The following ARMC2 variants were observed in gnomAD, a reference collection of about 807,000 sequenced individuals.
ARMC2 encodes the protein armadillo repeat-containing protein 2.
ARMC2 carries 67 observed loss-of-function variants against 90.3 expected under a neutral mutation model. The ratio of observed to expected loss-of-function variants is 0.74; its 90% CI spans 0.61 to 0.91. The LOEUF is 0.91. Ranked by LOEUF, ARMC2 falls within the 40% of genes least tolerant of loss-of-function variation. ARMC2 has a pLI of 0.00. For synonymous variants in ARMC2, 393 were observed against 393.0 expected (o/e 1.00, Z 0.00); for missense variants, 920 against 1,030.9 (o/e 0.89, Z 1.47).
chr6:109,001,879 T>C, the ARMC2 span, among the ~76,000 whole-genome samples: 21 of 152,304 alleles, frequency 1.4e-4, no homozygotes, highest in East Asian at 5.8e-4. Flanking sequence ...ACACTTCTTA[T>C]GAAAATAAAG....
chr6:108,924,194 CAGAG>C (rs891574677), intron 10 of ARMC2: 1 of 152,224 alleles, frequency 6.6e-6, no homozygotes, highest in African/African-American at 2.4e-5. Flanking sequence ...AAGGACTTCA[CAGAG>C]AAGTTATCTT....
At chr6:108,998,599 A>G in the ARMC2 span, 2 of 1,613,934 alleles carry the variant, frequency 1.2e-6, no homozygotes, top group Non-Finnish European at 1.7e-6. Flanking sequence ...TTGCTAACAG[A>G]AGGAGGTCTG....
the ARMC2 span, among the ~76,000 whole-genome samples, chr6:109,021,117 C>T: frequency 6.6e-6 from 1 of 152,076 alleles, no homozygotes. Flanking sequence ...CCTCAGCCTC[C>T]TGAGTAGGTA....
At chr6:108,969,138 C>T (rs925335345) in intron 17 of ARMC2, among the ~76,000 whole-genome samples, 1 of 152,150 alleles carries the variant, frequency 6.6e-6, no homozygotes, top group Non-Finnish European at 1.5e-5. Context: ...GCAGTGGGCA[C>T]TTAGGTTTTG....
intron 12 of ARMC2, among the ~76,000 whole-genome samples, chr6:108,943,666 A>T (rs572870591): frequency 1.3e-5 from 2 of 150,674 alleles, no homozygotes; most frequent in Admixed American, 6.6e-5. Flanking sequence ...AACAACAATT[A>T]AAAAAAAACC....
At chr6:108,960,712 C>T (rs546390017) in intron 13 of ARMC2, among the ~76,000 whole-genome samples, 174 of 152,330 alleles carry the variant, frequency 1.1e-3, no homozygotes, top group Non-Finnish European at 1.8e-3. Context: ...TCCAACAAGG[C>T]GGCATGTAAG....
chr6:108,854,580 CTTAT>C (rs1774344860), intron 2 of ARMC2, 95 bp downstream of exon 2: 4 of 1,267,858 alleles, frequency 3.2e-6, no homozygotes, highest in Admixed American at 2.3e-5. Context: ...TAAAAATAGA[CTTAT>C]TTTTTAGAAC....
At chr6:109,052,132 A>C in the ARMC2 span, among the ~76,000 whole-genome samples, 31 of 152,358 alleles carry the variant, frequency 2.0e-4, no homozygotes, top group South Asian at 1.0e-3. Flanking sequence ...AGCTGCAAAT[A>C]CATCAAAATG....
At chr6:108,919,010 A>T (rs1200723549) in intron 10 of ARMC2, among the ~76,000 whole-genome samples, 1 of 152,246 alleles carries the variant, frequency 6.6e-6, no homozygotes. Flanking sequence ...AATGTAGAGA[A>T]GAGCACCAAA....
the ARMC2 span, among the ~76,000 whole-genome samples, chr6:109,021,574 A>T: frequency 5.3e-5 from 8 of 152,076 alleles, no homozygotes; most frequent in African/African-American, 1.9e-4. Flanking sequence ...ATTAGCTGGG[A>T]CTACGGATGC....
intron 10 of ARMC2, among the ~76,000 whole-genome samples, chr6:108,919,488 T>C (rs1398671152): frequency 2.0e-5 from 3 of 152,000 alleles, no homozygotes; most frequent in Non-Finnish European, 4.4e-5. Flanking sequence ...AATAGCCCCA[T>C]GATTGTATTT....
chr6:108,869,418 G>T lies in ARMC2; in HGVS notation c.463+423G>T, dbSNP rs184692132. On this transcript the variant is annotated intron_variant, in intron 4 of 17. Coordinates refer to ENST00000392644, the MANE Select transcript of ARMC2 (RefSeq NM_032131.6). ...AGCTACTCGGGAGGCTGAGGCAGGA[G>T]AAGTGCTTGAAACCAGGAGGTGGAG... 4.1e-3 allele frequency among the ~76,000 whole-genome samples: 621 copies of T among 152,322 alleles called. 2 individuals are homozygous for T. The highest frequency in any genetic ancestry group is 0.014 in the African/African-American group (582 of 41,582).
intron 12 of ARMC2, among the ~76,000 whole-genome samples, chr6:108,949,981 G>A (rs1777066642): frequency 6.6e-6 from 1 of 152,170 alleles, no homozygotes; most frequent in Admixed American, 6.5e-5. Context: ...CGAGGTGGGT[G>A]GATCACTTGA....
chr6:108,874,414 G>A (rs1032543042), intron 4 of ARMC2, among the ~76,000 whole-genome samples: 1 of 152,208 alleles, frequency 6.6e-6, no homozygotes, highest in African/African-American at 2.4e-5. Flanking sequence ...TGAGAGAAAC[G>A]AATGCTAAAA....
chr6:109,040,244 C>T, the ARMC2 span, among the ~76,000 whole-genome samples: 1 of 152,144 alleles, frequency 6.6e-6, no homozygotes, highest in Non-Finnish European at 1.5e-5. Context: ...TCTAGTTTGG[C>T]AAGTCTCCTC....
chr6:108,979,637 C>T, the ARMC2 span, among the ~76,000 whole-genome samples: 1,560 of 152,194 alleles, frequency 0.01, 33 homozygotes, highest in African/African-American at 0.035. Context: ...ACCAATCAGA[C>T]GTAGATTTGG....
Position 108,964,326 on chromosome 6 carries a change from C to T in ARMC2, c.2285+14C>T, listed in dbSNP as rs748686764. The T allele has an allele frequency of 2.5e-6, 4 of 1,611,902 alleles. No individual in the cohort carries two copies. The highest frequency in any genetic ancestry group is 2.7e-5 in the African/African-American group (2 of 74,958). On this transcript the variant is annotated intron_variant, in intron 16 of 17. Coordinates refer to ENST00000392644, the MANE Select transcript of ARMC2 (RefSeq NM_032131.6). ...TGGCATTAAAAAGTAAGTTTCAGGG[C>T]GTAGAGTACTGACTCTCTCAGGATT... is the stretch of plus-strand genomic sequence containing the variant.
chr6:108,950,412 G>C (rs1465618607), intron 12 of ARMC2, among the ~76,000 whole-genome samples: 1 of 152,170 alleles, frequency 6.6e-6, no homozygotes, highest in African/African-American at 2.4e-5. Context: ...AGACCATGTA[G>C]TACATATACA....
chr6:108,963,956 G>GT (rs1436361014), intron 15 of ARMC2, among the ~76,000 whole-genome samples: 2 of 152,236 alleles, frequency 1.3e-5, no homozygotes, highest in Admixed American at 1.3e-4. Flanking sequence ...CCTGGGTCAG[G>GT]TTTTGCAGTA....
Sources: gnomAD v4.1 joint callset for allele counts (sites outside exome capture counted in the v4.1 genomes callset) on GRCh38, gnomAD v4.1.1 for gene constraint, MANE v1.5 for transcripts, NCBI Gene and HGNC (gene_info 2026-07-23, HGNC 2026-07-21) for gene names.